The following IQCK variants were observed in gnomAD, a reference collection of about 807,000 sequenced individuals.
IQCK encodes the protein IQ motif containing K.
A neutral mutation model predicts 28.1 loss-of-function variants in IQCK; 29 were observed. That is an observed-to-expected ratio of 1.03 (90% CI 0.77 to 1.41). The LOEUF (loss-of-function observed/expected upper bound fraction) is 1.41. Ranked by LOEUF, IQCK falls within the 40% of genes most tolerant of loss-of-function variation. The pLI, the probability that IQCK is intolerant of heterozygous loss-of-function variation, is 0.00. For missense variants in IQCK, 359 were observed against 314.7 expected, an observed-to-expected ratio of 1.14 and a Z score of -1.07; for synonymous variants, 113 against 115.1, an observed-to-expected ratio of 0.98 and a Z score of 0.12.
At chr16:19,774,466 G>C (rs954415022) in intron 6 of IQCK, among the ~76,000 whole-genome samples, 1 of 136,212 alleles carries the variant, frequency 7.3e-6, no homozygotes, top group African/African-American at 2.8e-5. Flanking sequence ...GGAGTGCAGC[G>C]ATGCGATCTT....
intron 4 of IQCK, among the ~76,000 whole-genome samples, chr16:19,738,667 A>G (rs1156784888): frequency 6.6e-6 from 1 of 152,170 alleles, no homozygotes; most frequent in Non-Finnish European, 1.5e-5. Flanking sequence ...CATGTAAAGT[A>G]CTTAGGCCAG....
intron 6 of IQCK, among the ~76,000 whole-genome samples, chr16:19,775,994 G>A (rs1224489051): frequency 1.4e-5 from 2 of 144,138 alleles, no homozygotes; most frequent in South Asian, 2.2e-4. Flanking sequence ...CCATTCTCCT[G>A]TCTCAGCCTC....
At chr16:19,851,034 C>T (rs62025058) in intron 9 of IQCK, among the ~76,000 whole-genome samples, 28,877 of 152,020 alleles carry the variant, frequency 0.19, 3,522 homozygotes, top group East Asian at 0.53. Flanking sequence ...AATAAAAACG[C>T]GAATAATAAT....
intron 4 of IQCK, chr16:19,761,368 C>A: frequency 2.2e-6 from 1 of 455,616 alleles, no homozygotes; most frequent in South Asian, 1.5e-5. Flanking sequence ...ATGGACCTAT[C>A]TGGAGGGTAC....
intron 6 of IQCK, among the ~76,000 whole-genome samples, chr16:19,781,208 C>CA (rs2055478726): frequency 6.6e-6 from 1 of 152,180 alleles, no homozygotes; most frequent in Non-Finnish European, 1.5e-5. Flanking sequence ...AATAATACCA[C>CA]AATCTGGGAA....
chr16:19,857,262 C>T (rs1241942348), exon 10 of IQCK: 4 of 323,634 alleles, frequency 1.2e-5, no homozygotes, highest in Non-Finnish European at 2.3e-5. Flanking sequence ...TAGTTAGTTG[C>T]ACTGGGTTGT....
chr16:19,856,155 C>T (rs908979089), intron 9 of IQCK, among the ~76,000 whole-genome samples: 1 of 152,172 alleles, frequency 6.6e-6, no homozygotes, highest in African/African-American at 2.4e-5. Flanking sequence ...TGGGGTTGAG[C>T]GGAGAGCCTG....
At chr16:19,779,699 CTTATTTATTTATTTTAT>C (rs2055448469) in intron 6 of IQCK, among the ~76,000 whole-genome samples, 1 of 151,054 alleles carries the variant, frequency 6.6e-6, no homozygotes, top group Admixed American at 6.6e-5. Flanking sequence ...TTAATTTTTA[CTTATTTATTTATTTTAT>C]TTATTTATTT....
At chr16:19,760,368 G>T (rs1382703244) in intron 4 of IQCK, among the ~76,000 whole-genome samples, 1 of 152,120 alleles carries the variant, frequency 6.6e-6, no homozygotes, top group Non-Finnish European at 1.5e-5. Flanking sequence ...CTGGACCCAG[G>T]ATCTAGTAGA....
At chr16:19,843,147 C>T (rs879918607) in intron 9 of IQCK, among the ~76,000 whole-genome samples, 14 of 152,206 alleles carry the variant, frequency 9.2e-5, no homozygotes, top group South Asian at 2.1e-4. Context: ...TCTGTCTCAC[C>T]GCCTAGAGAT....
intron 7 of IQCK, among the ~76,000 whole-genome samples, chr16:19,809,932 G>A (rs114882918): frequency 0.014 from 2,130 of 152,246 alleles, 50 homozygotes; most frequent in African/African-American, 0.048. Flanking sequence ...GTGTCCACAC[G>A]TGAGGGCAGT....
chr16:19,777,623 TG>T lies in IQCK; in HGVS notation c.606-11212del, dbSNP rs1224134885. On this transcript the variant is annotated intron_variant, in intron 6 of 7. Transcript: ENST00000564186. ...AGGAAGGAAAGCTGTTTCCTGAATT[TG>T]GGACGTGCTGAGATGTATAAGTTCT... Among the ~76,000 whole-genome samples the T allele has an allele frequency of 5.9e-5, 9 of 152,292 alleles. 1 individual carries two copies. The Middle Eastern group carries it at 0.01, about 173-fold the overall frequency.
intron 3 of IQCK, 36 bp downstream of exon 3, chr16:19,733,863 G>C: frequency 6.2e-7 from 1 of 1,612,260 alleles, no homozygotes; most frequent in Non-Finnish European, 8.5e-7. Context: ...ATAATTTGGG[G>C]CTTTTAACAT....
intron 3 of IQCK, among the ~76,000 whole-genome samples, chr16:19,735,014 A>G (rs914080915): frequency 4.0e-5 from 6 of 151,750 alleles, no homozygotes; most frequent in African/African-American, 1.5e-4. Context: ...CTGACTCCCA[A>G]TTCCTCTCTG....
rs540461332 is a variant in IQCK at position 19,844,705 on chromosome 16, A to T, written c.803-11782A>T. 1.1e-4 allele frequency among the ~76,000 whole-genome samples: 17 copies of T among 152,266 alleles called. No individual in the cohort carries two copies. In the South Asian group the frequency reaches 3.5e-3, roughly 32 times the overall value. On this transcript the variant is annotated intron_variant, in intron 9 of 9. Coordinates refer to the IQCK transcript ENST00000320394. ...AAGAACGCCGGTTGAAACTCAAAGG[A>T]TGTTAATTCCCATCCTCTTTCTTCA... is the stretch of plus-strand genomic sequence containing the variant.
chr16:19,733,931 C>T, intron 3 of IQCK, 104 bp downstream of exon 3: 1 of 1,039,800 alleles, frequency 9.6e-7, no homozygotes. Context: ...AGACCACATA[C>T]ATAAGAAAGA....
Position 19,836,726 on chromosome 16 carries a change from A to C in IQCK, c.802+9589A>C, listed in dbSNP as rs142154724. Among the ~76,000 whole-genome samples the C allele has an allele frequency of 1.0e-3, 158 of 152,248 alleles. 1 individual carries two copies. The highest frequency in any genetic ancestry group is 2.5e-3 in the South Asian group (12 of 4,816). ...ATGGGGTTTCACCATGTTGGCCAGG[A>C]TGCTCTTGATCTCTTGACTTTGTGA... On this transcript the variant is annotated intron_variant, in intron 9 of 9. Transcript: ENST00000320394.
intron 7 of IQCK, among the ~76,000 whole-genome samples, chr16:19,807,614 T>C (rs1459698752): frequency 6.6e-6 from 1 of 151,988 alleles, no homozygotes; most frequent in Non-Finnish European, 1.5e-5. Context: ...CCCAGGAGAG[T>C]CTTTGCATGC....
At position 19,720,560 on chromosome 16, in the gene IQCK, G is replaced by A. The variant is rs562582558; in HGVS notation, c.181+2073G>A. ...CACAGTGCCTGGCATTTAAAAAGTA[G>A]TCAATAAATGTTCATTATTGTTGAC... is the stretch of plus-strand genomic sequence containing the variant. On this transcript the variant is annotated intron_variant, in intron 1 of 7. Transcript: ENST00000564186. 7.2e-5 allele frequency among the ~76,000 whole-genome samples: 11 copies of A among 152,314 alleles called. No individual in the cohort carries two copies. In the South Asian group the frequency reaches 2.3e-3, roughly 32 times the overall value.
Sources: gnomAD v4.1 joint callset for allele counts (sites outside exome capture counted in the v4.1 genomes callset) on GRCh38, gnomAD v4.1.1 for gene constraint, MANE v1.5 for transcripts, NCBI Gene and HGNC (gene_info 2026-07-23, HGNC 2026-07-21) for gene names.